ELMO1: variants seen among roughly 807,000 people sequenced by gnomAD.
The protein encoded by ELMO1 is engulfment and cell motility protein 1.
Under a neutral mutation model 98.9 loss-of-function variants are expected in ELMO1, and 26 were observed. The ratio of observed to expected loss-of-function variants is 0.26; its 90% CI spans 0.19 to 0.36. The LOEUF is 0.36. Ranked by LOEUF, ELMO1 falls within the 10% of genes least tolerant of loss-of-function variation. The probability of loss-of-function intolerance (pLI) is 1.00; values close to 1 mark genes in which losing one functional copy is unlikely to be tolerated. For synonymous variants in ELMO1, 346 were observed against 346.0 expected (o/e 1.00, Z 0.00); for missense variants, 627 against 935.2 (o/e 0.67, Z 4.30).
At position 37,049,416 on chromosome 7, in the gene ELMO1, G is replaced by A. The variant is rs542095132; in HGVS notation, c.1301-35981C>T. 7.4e-4 allele frequency among the ~76,000 whole-genome samples: 113 copies of A among 152,232 alleles called. 1 individual carries two copies. The highest frequency in any genetic ancestry group is 2.6e-3 in the African/African-American group (108 of 41,542). The stretch of plus-strand genomic sequence containing the variant: ...GAAACCAATTAAAACTATGTGATGC[G>A]TCCAGCTCTCTTCTCCTTTTGCATT... On this transcript the variant is annotated intron_variant, in intron 15 of 21. Coordinates refer to ENST00000310758, the MANE Select transcript of ELMO1 (RefSeq NM_014800.11).
chr7:37,408,420 G>C (rs1197548715), intron 1 of ELMO1, among the ~76,000 whole-genome samples: 1 of 152,172 alleles, frequency 6.6e-6, no homozygotes, highest in African/African-American at 2.4e-5. Context: ...GCTGTTGGTA[G>C]GAAGTGGAAA....
At chr7:36,983,896 G>A (rs1352235982) in intron 16 of ELMO1, among the ~76,000 whole-genome samples, 1 of 152,122 alleles carries the variant, frequency 6.6e-6, no homozygotes, top group Non-Finnish European at 1.5e-5. Context: ...GAGCAGAGAG[G>A]AGGTTCATAG....
intron 14 of ELMO1, among the ~76,000 whole-genome samples, chr7:37,127,754 A>G (rs1786628416): frequency 6.6e-6 from 1 of 152,170 alleles, no homozygotes; most frequent in Non-Finnish European, 1.5e-5. Flanking sequence ...CACCTTTGAG[A>G]GAGCCCTAGG....
At chr7:37,091,932 T>C (rs77151249) in intron 15 of ELMO1, among the ~76,000 whole-genome samples, 9,130 of 152,128 alleles carry the variant, frequency 0.06, 746 homozygotes, top group African/African-American at 0.19. Context: ...ACTTACGATT[T>C]GATTATCTCC....
At chr7:37,039,346 C>T (rs1284550905) in intron 15 of ELMO1, among the ~76,000 whole-genome samples, 1 of 152,164 alleles carries the variant, frequency 6.6e-6, no homozygotes, top group Admixed American at 6.5e-5. Flanking sequence ...CTCCTGGGCA[C>T]TCTGACTGCA....
chr7:37,199,092 C>T (rs1042052803), intron 13 of ELMO1, among the ~76,000 whole-genome samples: 8 of 152,204 alleles, frequency 5.3e-5, no homozygotes, highest in African/African-American at 1.9e-4. Context: ...ACAAATGTCC[C>T]TCCTAAGGCA....
chr7:37,217,944 A>C (rs971239380), intron 10 of ELMO1, among the ~76,000 whole-genome samples: 1 of 152,202 alleles, frequency 6.6e-6, no homozygotes. Context: ...AACATCCAAT[A>C]CTAGGTCTTA....
At chr7:37,431,698 A>G (rs1804938782) in intron 1 of ELMO1, among the ~76,000 whole-genome samples, 1 of 152,138 alleles carries the variant, frequency 6.6e-6, no homozygotes, top group African/African-American at 2.4e-5. Context: ...CCTATGTACA[A>G]CCTTTTACCA....
At chr7:36,877,342 A>G (rs899268408) in intron 19 of ELMO1, among the ~76,000 whole-genome samples, 10 of 152,196 alleles carry the variant, frequency 6.6e-5, no homozygotes, top group African/African-American at 2.2e-4. Context: ...CAGTGTTTCT[A>G]TAATACTTGT....
In ELMO1 at chr7:37,363,630, C is replaced by T. The variant is rs576780423; in HGVS notation, c.-73-20867G>A. 3.9e-5 allele frequency among the ~76,000 whole-genome samples: 6 copies of T among 152,306 alleles called. No homozygotes were observed. The East Asian group carries it at 5.8e-4, about 15-fold the overall frequency. On this transcript the variant is annotated intron_variant, in intron 1 of 21. Coordinates refer to ENST00000310758, the MANE Select transcript of ELMO1 (RefSeq NM_014800.11). ...TCTTCCTCTCCATTTTCCCTTTCTA[C>T]GCCCAGCTACTTGAAATCACTCTAA...
chr7:36,974,828 A>G (rs1395139289), intron 16 of ELMO1, among the ~76,000 whole-genome samples: 1 of 151,844 alleles, frequency 6.6e-6, no homozygotes, highest in African/African-American at 2.4e-5. Flanking sequence ...CTGCAGCTTC[A>G]CTCCTGAAGC....
chr7:37,124,709 C>T (rs1563018439), intron 14 of ELMO1, among the ~76,000 whole-genome samples: 1 of 152,176 alleles, frequency 6.6e-6, no homozygotes, highest in Admixed American at 6.5e-5. Flanking sequence ...GGCCATACTG[C>T]TCAAGGTAAT....
Position 37,097,757 on chromosome 7 carries a change from T to C in ELMO1, c.1192-1030A>G, listed in dbSNP as rs1784437285. ...CAGAAAAAAGAAAATAAAACTAAAA[T>C]GCAAAGTAAAACAGAGACAAGAGAC... On this transcript the variant is annotated intron_variant, in intron 14 of 21. Transcript: ENST00000310758. 2.0e-5 allele frequency among the ~76,000 whole-genome samples: 3 copies of C among 152,026 alleles called. No homozygotes were observed. In the South Asian group the frequency reaches 6.2e-4, roughly 32 times the overall value.
intron 11 of ELMO1, 73 bp downstream of exon 11, chr7:37,216,572 C>A: frequency 6.4e-7 from 1 of 1,555,898 alleles, no homozygotes; most frequent in Non-Finnish European, 8.9e-7. Context: ...CAGACTGAAG[C>A]CAAAAGAAGA....
intron 17 of ELMO1, among the ~76,000 whole-genome samples, chr7:36,890,369 G>A (rs1805445812): frequency 2.0e-5 from 3 of 152,106 alleles, no homozygotes; most frequent in Admixed American, 2.0e-4. Flanking sequence ...CTTTGACTTG[G>A]GGTCTGCCCT....
chr7:37,374,333 C>T (rs1802238962), intron 1 of ELMO1, among the ~76,000 whole-genome samples: 1 of 152,144 alleles, frequency 6.6e-6, no homozygotes, highest in South Asian at 2.1e-4. Flanking sequence ...GCATCCAGCT[C>T]TCATTTCTCC....
chr7:37,129,912 C>T (rs1400068634), intron 14 of ELMO1, among the ~76,000 whole-genome samples: 1 of 152,220 alleles, frequency 6.6e-6, no homozygotes, highest in Non-Finnish European at 1.5e-5. Flanking sequence ...GTTTGCCAGT[C>T]CCTGCCCTGG....
At chr7:36,875,921 T>A (rs940100518) in intron 19 of ELMO1, among the ~76,000 whole-genome samples, 1 of 152,158 alleles carries the variant, frequency 6.6e-6, no homozygotes, top group African/African-American at 2.4e-5. Flanking sequence ...TGAGAAGTGA[T>A]TACATCCCTA....
rs201311473 is a variant in ELMO1, at chr7:37,043,257, TA to T, written c.1301-29823del. Among the ~76,000 whole-genome samples, 1,362 of 152,354 alleles carry T rather than the reference TA, an allele frequency of 8.9e-3. 6 individuals are homozygous for T. Among genetic ancestry groups the T allele is most frequent in the Middle Eastern group, 0.014 (4 of 294 alleles). ...TAAAAGCCATAAGAAAGCCTAAGTC[TA>T]AGATCATCTGATGGATGATCCTGTA... is the stretch of plus-strand genomic sequence containing the variant. On this transcript the variant is annotated intron_variant, in intron 15 of 21. Transcript: ENST00000310758.
Sources: gnomAD v4.1 joint callset for allele counts (sites outside exome capture counted in the v4.1 genomes callset) on GRCh38, gnomAD v4.1.1 for gene constraint, MANE v1.5 for transcripts, NCBI Gene and HGNC (gene_info 2026-07-23, HGNC 2026-07-21) for gene names.